Variants in PRKN observed in about 807,000 individuals in gnomAD.
PRKN encodes the protein parkin RBR E3 ubiquitin protein ligase, also known as E3 ubiquitin-protein ligase parkin.
PRKN carries 56 observed loss-of-function variants against 59.5 expected under a neutral mutation model. The ratio of observed to expected loss-of-function variants is 0.94; its 90% CI spans 0.76 to 1.18. The LOEUF is 1.18. Among genes scored for constraint, PRKN ranks in the 50% most tolerant of loss-of-function variants. The pLI is 0.00. For missense variants in PRKN, 657 were observed against 596.4 expected, an observed-to-expected ratio of 1.10 and a Z score of -1.06; for synonymous variants, 250 against 222.1, an observed-to-expected ratio of 1.13 and a Z score of -1.12.
At chr6:162,432,441 G>A (rs4709608) in intron 2 of PRKN, among the ~76,000 whole-genome samples, 22,890 of 152,010 alleles carry the variant, frequency 0.15, 2,052 homozygotes, top group East Asian at 0.42. Flanking sequence ...CAGGAGAATC[G>A]CTTGAATCCA....
At chr6:161,532,766 A>G (rs4540241) in intron 9 of PRKN, among the ~76,000 whole-genome samples, 13,618 of 152,166 alleles carry the variant, frequency 0.089, 938 homozygotes, top group African/African-American at 0.19. Context: ...TCACTGGTGC[A>G]TGCACGTGGA....
intron 2 of PRKN, among the ~76,000 whole-genome samples, chr6:162,340,565 T>C (rs2128128028): frequency 6.6e-6 from 1 of 152,242 alleles, no homozygotes; most frequent in Admixed American, 6.5e-5. Context: ...AGCATGGAAC[T>C]GGTACCAAAA....
intron 1 of PRKN, among the ~76,000 whole-genome samples, chr6:162,508,917 A>G (rs1262768128): frequency 6.6e-6 from 1 of 152,198 alleles, no homozygotes; most frequent in Non-Finnish European, 1.5e-5. Flanking sequence ...TTTCTTTACA[A>G]AAAGAGGCAG....
intron 7 of PRKN, among the ~76,000 whole-genome samples, chr6:161,678,022 G>A (rs760452051): frequency 3.6e-4 from 55 of 152,056 alleles, no homozygotes; most frequent in Non-Finnish European, 8.8e-5. Flanking sequence ...AGACTGTCTA[G>A]ATAACCTTAA....
intron 6 of PRKN, among the ~76,000 whole-genome samples, chr6:161,889,461 G>A (rs1449832254): frequency 6.6e-6 from 1 of 152,168 alleles, no homozygotes; most frequent in Non-Finnish European, 1.5e-5. Flanking sequence ...GCATCTCAAA[G>A]GCATTGCCCT....
rs574266235 is a variant in PRKN at position 162,509,368 on chromosome 6, A to T, written c.8-65895T>A. On this transcript the variant is annotated intron_variant, in intron 1 of 11. Transcript: ENST00000366898. ...ACTATAAGAACATTTCTTACAGGCAATCCAGTATATATGACCAAATTTGTA... is the reference window on the plus strand; with the variant it reads ...ACTATAAGAACATTTCTTACAGGCATTCCAGTATATATGACCAAATTTGTA... 9.7e-4 allele frequency among the ~76,000 whole-genome samples: 147 copies of T among 152,304 alleles called. 1 individual carries two copies. The highest frequency in any genetic ancestry group is 3.5e-3 in the African/African-American group (144 of 41,566).
At chr6:162,576,740 G>A (rs1288389368) in intron 1 of PRKN, among the ~76,000 whole-genome samples, 1 of 147,012 alleles carries the variant, frequency 6.8e-6, no homozygotes, top group Non-Finnish European at 1.5e-5. Flanking sequence ...TGAACCCAGA[G>A]AGGCGGAGGT....
intron 6 of PRKN, among the ~76,000 whole-genome samples, chr6:161,949,767 G>A (rs576970894): frequency 3.9e-5 from 6 of 152,304 alleles, no homozygotes; most frequent in African/African-American, 1.4e-4. Context: ...ACCTACTGCT[G>A]ATACCACAAG....
chr6:161,685,665 G>A (rs1785525675), intron 7 of PRKN, among the ~76,000 whole-genome samples: 1 of 152,178 alleles, frequency 6.6e-6, no homozygotes, highest in South Asian at 2.1e-4. Flanking sequence ...ACGAGCCTGA[G>A]GCTCAGGGGC....
At chr6:162,443,026 T>C (rs1790132882) in intron 2 of PRKN, among the ~76,000 whole-genome samples, 1 of 152,188 alleles carries the variant, frequency 6.6e-6, no homozygotes, top group African/African-American at 2.4e-5. Flanking sequence ...AATTGTGCCT[T>C]GCTGCTCCTG....
chr6:162,028,640 A>G (rs1783525320), intron 5 of PRKN, among the ~76,000 whole-genome samples: 1 of 152,214 alleles, frequency 6.6e-6, no homozygotes, highest in Non-Finnish European at 1.5e-5. Flanking sequence ...AGCTGGCTAC[A>G]AAATGGAGCA....
intron 4 of PRKN, among the ~76,000 whole-genome samples, chr6:162,176,467 T>C (rs991333795): frequency 3.3e-5 from 5 of 152,148 alleles, no homozygotes; most frequent in Non-Finnish European, 5.9e-5. Flanking sequence ...GATATATTGA[T>C]ATGTTGGGAG....
At chr6:162,399,086 A>T (rs1787631207) in intron 2 of PRKN, among the ~76,000 whole-genome samples, 1 of 152,224 alleles carries the variant, frequency 6.6e-6, no homozygotes, top group Non-Finnish European at 1.5e-5. Flanking sequence ...AGGGGACGGA[A>T]AAACAGCATT....
At chr6:162,320,100 A>G (rs1292853391) in intron 2 of PRKN, among the ~76,000 whole-genome samples, 1 of 151,892 alleles carries the variant, frequency 6.6e-6, no homozygotes, top group African/African-American at 2.4e-5. Flanking sequence ...CACTTAAGAT[A>G]ATGGCCTCCC....
chr6:162,316,267 C>T (rs927201822), intron 2 of PRKN, among the ~76,000 whole-genome samples: 3 of 151,934 alleles, frequency 2.0e-5, no homozygotes, highest in Non-Finnish European at 2.9e-5. Context: ...TTACATTCCA[C>T]AGCCGGATGT....
At chr6:162,201,559 T>A (rs901907090) in intron 3 of PRKN, among the ~76,000 whole-genome samples, 1 of 152,182 alleles carries the variant, frequency 6.6e-6, no homozygotes, top group African/African-American at 2.4e-5. Flanking sequence ...AGAGGCACTC[T>A]TTGCCGAGGA....
chr6:162,289,738 T>C (rs904488605), intron 2 of PRKN, among the ~76,000 whole-genome samples: 4 of 150,050 alleles, frequency 2.7e-5, no homozygotes, highest in Non-Finnish European at 5.9e-5. Context: ...ATAACGCCCA[T>C]AAAAGAGGAA....
intron 4 of PRKN, among the ~76,000 whole-genome samples, chr6:162,181,398 A>G (rs907326787): frequency 6.6e-6 from 1 of 152,244 alleles, no homozygotes; most frequent in Non-Finnish European, 1.5e-5. Flanking sequence ...CTGAATAAGG[A>G]TGATGGTCAT....
At chr6:161,913,171 A>AG (rs1491577111) in intron 6 of PRKN, among the ~76,000 whole-genome samples, 40 of 70,246 alleles carry the variant, frequency 5.7e-4, no homozygotes, top group Non-Finnish European at 1.2e-3. Flanking sequence ...CCATCTCAGG[A>AG]AAAAAAAAAA....
Sources: allele counts gnomAD v4.1 joint callset (sites outside exome capture counted in the v4.1 genomes callset), GRCh38; gene constraint gnomAD v4.1.1; transcripts MANE v1.5; gene names NCBI Gene and HGNC (gene_info 2026-07-23, HGNC 2026-07-21).